The following SGMS1 variants were observed in gnomAD, a reference collection of about 807,000 sequenced individuals.
SGMS1 encodes phosphatidylcholine:ceramide cholinephosphotransferase 1.
A neutral mutation model predicts 46.2 loss-of-function variants in SGMS1; 13 were observed. The observed-to-expected ratio is 0.28, with a 90% CI of 0.18 to 0.45. The LOEUF (loss-of-function observed/expected upper bound fraction) is 0.45. SGMS1 is among the 20% of genes least tolerant of loss of function. SGMS1 has a pLI of 1.00. For missense variants in SGMS1, 324 were observed against 519.9 expected (o/e 0.62, Z 3.66); for synonymous variants, 203 against 187.8 (o/e 1.08, Z -0.66).
chr10:50,510,038 T>C (rs1295256651), intron 3 of SGMS1, among the ~76,000 whole-genome samples: 5 of 152,200 alleles, frequency 3.3e-5, no homozygotes, highest in African/African-American at 4.8e-5. Context: ...AAAATTTCCC[T>C]ATGCCCTTTG....
chr10:50,346,327 C>A (rs965382991), intron 6 of SGMS1, among the ~76,000 whole-genome samples: 3 of 152,044 alleles, frequency 2.0e-5, no homozygotes, highest in Admixed American at 1.3e-4. Flanking sequence ...CTATTATATC[C>A]AGTAGCCACT....
At chr10:50,450,757 A>C (rs1837096692) in intron 5 of SGMS1, among the ~76,000 whole-genome samples, 1 of 152,070 alleles carries the variant, frequency 6.6e-6, no homozygotes, top group African/African-American at 2.4e-5. Context: ...ATCCACATCA[A>C]GAAAGCTTTC....
chr10:50,429,598 A>T (rs892222472), intron 6 of SGMS1, among the ~76,000 whole-genome samples: 163 of 152,280 alleles, frequency 1.1e-3, no homozygotes, highest in Middle Eastern at 6.8e-3. Flanking sequence ...ACTTTTAATT[A>T]TAAAGAATTT....
intron 2 of SGMS1, among the ~76,000 whole-genome samples, chr10:50,552,180 C>T (rs985568005): frequency 2.6e-5 from 4 of 152,196 alleles, no homozygotes. Flanking sequence ...AGGCATAACC[C>T]ACATTATCCC....
intron 6 of SGMS1, among the ~76,000 whole-genome samples, chr10:50,388,972 C>T (rs184403482): frequency 6.6e-6 from 1 of 152,238 alleles, no homozygotes; most frequent in Admixed American, 6.5e-5. Context: ...ATATGGGATT[C>T]TTACTAAATG....
chr10:50,564,217 G>A (rs1838268316), intron 2 of SGMS1, among the ~76,000 whole-genome samples: 1 of 152,186 alleles, frequency 6.6e-6, no homozygotes, highest in Admixed American at 6.5e-5. Flanking sequence ...ATGCTGCAAG[G>A]AAGTGACTAA....
At chr10:50,390,306 C>A (rs1474831738) in intron 6 of SGMS1, among the ~76,000 whole-genome samples, 3 of 152,108 alleles carry the variant, frequency 2.0e-5, no homozygotes, top group Non-Finnish European at 4.4e-5. Context: ...TTGGGAGAAA[C>A]AAAGTACACA....
At chr10:50,384,063 G>C (rs1564897128) in intron 6 of SGMS1, among the ~76,000 whole-genome samples, 2 of 152,146 alleles carry the variant, frequency 1.3e-5, no homozygotes. Flanking sequence ...CCAGGAGAAG[G>C]AGGGAATCAG....
At chr10:50,550,986 T>C (rs1838144338) in intron 2 of SGMS1, among the ~76,000 whole-genome samples, 1 of 152,232 alleles carries the variant, frequency 6.6e-6, no homozygotes, top group Non-Finnish European at 1.5e-5. Flanking sequence ...GCAAACCTTC[T>C]GTGCAGAAGA....
At chr10:50,440,609 A>G (rs1849532944) in intron 5 of SGMS1, among the ~76,000 whole-genome samples, 1 of 152,188 alleles carries the variant, frequency 6.6e-6, no homozygotes. Context: ...AGATATACAT[A>G]AAATATTTCC....
intron 6 of SGMS1, among the ~76,000 whole-genome samples, chr10:50,400,142 T>C (rs1265570617): frequency 1.3e-5 from 2 of 152,090 alleles, no homozygotes; most frequent in East Asian, 3.9e-4. Flanking sequence ...TCTTTTCATA[T>C]ATATTCAGTA....
chr10:50,477,358 T>C (rs147902786), intron 3 of SGMS1, among the ~76,000 whole-genome samples: 98 of 152,368 alleles, frequency 6.4e-4, no homozygotes, highest in African/African-American at 2.1e-3. Context: ...TGGGGGCATA[T>C]ACCCAATGCC....
chr10:50,376,978 G>T (rs1589414251), intron 6 of SGMS1, among the ~76,000 whole-genome samples: 1 of 152,182 alleles, frequency 6.6e-6, no homozygotes, highest in East Asian at 1.9e-4. Flanking sequence ...ACTAAGAAAG[G>T]CAGTAAGGAA....
chr10:50,560,771 C>T (rs1456263234), intron 2 of SGMS1, among the ~76,000 whole-genome samples: 1 of 151,210 alleles, frequency 6.6e-6, no homozygotes, highest in Non-Finnish European at 1.5e-5. Context: ...TCATAGTATA[C>T]ATATAGTTTT....
chr10:50,621,875 C>T (rs925289911), intron 1 of SGMS1, among the ~76,000 whole-genome samples: 1 of 152,216 alleles, frequency 6.6e-6, no homozygotes, highest in African/African-American at 2.4e-5. Flanking sequence ...GCAGCAGCCA[C>T]CCCACTGCTA....
At chr10:50,537,242 C>T (rs12415817) in intron 2 of SGMS1, among the ~76,000 whole-genome samples, 30,321 of 151,958 alleles carry the variant, frequency 0.2, 3,962 homozygotes, top group East Asian at 0.64. Flanking sequence ...TTCTGATCAA[C>T]GGACAAAGTA....
At chr10:50,391,046 G>A (rs1274051086) in intron 6 of SGMS1, among the ~76,000 whole-genome samples, 1 of 152,204 alleles carries the variant, frequency 6.6e-6, no homozygotes, top group Non-Finnish European at 1.5e-5. Context: ...ATGCCAAGAA[G>A]CGTGTAGTTT....
At chr10:50,441,519 C>CA (rs1245189335) in intron 5 of SGMS1, among the ~76,000 whole-genome samples, 3 of 151,556 alleles carry the variant, frequency 2.0e-5, no homozygotes, top group Non-Finnish European at 2.9e-5. Context: ...ATTTCTTTTA[C>CA]AAAAAAAAGG....
intron 2 of SGMS1, among the ~76,000 whole-genome samples, chr10:50,541,839 A>C (rs1429672330): frequency 1.3e-5 from 2 of 152,210 alleles, no homozygotes; most frequent in Non-Finnish European, 2.9e-5. Context: ...TTATTCCTGG[A>C]GCCAAAGTTT....
Sources: gnomAD v4.1 joint callset for allele counts (sites outside exome capture counted in the v4.1 genomes callset) on GRCh38, gnomAD v4.1.1 for gene constraint, MANE v1.5 for transcripts, NCBI Gene and HGNC (gene_info 2026-07-23, HGNC 2026-07-21) for gene names.